Variants in TNRC18 observed in about 807,000 individuals in gnomAD.
The protein encoded by TNRC18 is trinucleotide repeat containing 18.
In TNRC18, 69 loss-of-function variants were observed where a neutral mutation model predicts 226.7. The observed-to-expected ratio is 0.30, with a 90% CI of 0.25 to 0.37. The LOEUF (loss-of-function observed/expected upper bound fraction) is 0.37, where lower values mean the gene tolerates loss of function less well. Ranked by LOEUF, TNRC18 falls within the 10% of genes least tolerant of loss-of-function variation. The probability of loss-of-function intolerance (pLI) is 1.00; values close to 1 mark genes in which losing one functional copy is unlikely to be tolerated. For synonymous variants in TNRC18, 2,449 were observed against 1,927.6 expected (o/e 1.27, Z -7.09); for missense variants, 4,754 against 4,256.6 (o/e 1.12, Z -3.25).
intron 24 of TNRC18, among the ~76,000 whole-genome samples, chr7:5,317,963 G>A (rs1583750221): frequency 6.6e-6 from 1 of 151,330 alleles, no homozygotes; most frequent in Non-Finnish European, 1.5e-5. Flanking sequence ...TCTACTTCCC[G>A]GGTTCAGGTG....
intron 19 of TNRC18, 99 bp downstream of exon 19, chr7:5,332,523 A>T (rs1252046173): frequency 3.7e-6 from 5 of 1,342,680 alleles, no homozygotes; most frequent in Non-Finnish European, 4.9e-6. Flanking sequence ...ATGGTTATTA[A>T]CAGTGAAGCC....
chr7:5,352,913 A>G (rs367923712), intron 16 of TNRC18, among the ~76,000 whole-genome samples: 2 of 152,360 alleles, frequency 1.3e-5, no homozygotes, highest in African/African-American at 4.8e-5. Flanking sequence ...AATCCACTCC[A>G]GACGGGGGGA....
Position 5,321,101 on chromosome 7 carries a change from G to T in TNRC18, c.6532C>A (p.His2178Asn). 1.3e-6 allele frequency: 2 copies of T among 1,553,268 alleles called. No individual in the cohort carries two copies. Among genetic ancestry groups the T allele is most frequent in the Non-Finnish European group, 1.7e-6 (2 of 1,148,998 alleles). ...TCTGGCGAGTGCACGGTCTGCACGT[G>T]CCCGGCGTACAGCAGCTTGTCATCC... is the stretch of plus-strand genomic sequence containing the variant. Reference protein sequence around the residue: ...PMDDKLLYAGHVQTVHSPDIY... With the variant: ...PMDDKLLYAGNVQTVHSPDIY... The change falls in exon 22 of 30, where the codon CAC (histidine) becomes AAC (asparagine). Residue 2178 changes from histidine to asparagine, a missense_variant. Coordinates refer to ENST00000430969, the MANE Select transcript of TNRC18 (RefSeq NM_001080495.3).
chr7:5,422,100 C>G (rs1029578772), intron 1 of TNRC18, among the ~76,000 whole-genome samples: 5 of 152,118 alleles, frequency 3.3e-5, no homozygotes, highest in Non-Finnish European at 7.4e-5. Context: ...TGGTCCCCCC[C>G]CTTTCTCCCC....
intron 2 of TNRC18, chr7:5,420,800 G>A (rs1417002221): frequency 3.0e-6 from 2 of 674,704 alleles, no homozygotes; most frequent in African/African-American, 1.8e-5. Context: ...AATCGCCCCC[G>A]GTGGCTCGGG....
intron 12 of TNRC18, 93 bp downstream of exon 12, chr7:5,362,557 C>T: frequency 7.8e-7 from 1 of 1,276,782 alleles, no homozygotes; most frequent in Non-Finnish European, 1.1e-6. Flanking sequence ...GCGCCAAAGC[C>T]AGCCACGCCC....
chr7:5,415,354 G>A (rs984424463), intron 2 of TNRC18, among the ~76,000 whole-genome samples: 1 of 149,628 alleles, frequency 6.7e-6, no homozygotes, highest in East Asian at 2.0e-4. Flanking sequence ...TGTTTACTGC[G>A]TGGTCTGTGT....
intron 18 of TNRC18, among the ~76,000 whole-genome samples, chr7:5,333,821 A>T (rs1005610779): frequency 2.0e-5 from 3 of 152,142 alleles, no homozygotes; most frequent in Non-Finnish European, 4.4e-5. Flanking sequence ...CAACCCGGGA[A>T]GTCCTCTATG....
At chr7:5,362,090 C>T in intron 12 of TNRC18, 57 bp from the exon 13 acceptor site, 1 of 1,584,744 alleles carries the variant, frequency 6.3e-7, no homozygotes, top group South Asian at 1.1e-5. Context: ...CTAACGACGC[C>T]CACCGCCCAC....
chr7:5,347,509 T>G (rs1791326385), intron 17 of TNRC18, among the ~76,000 whole-genome samples: 2 of 151,158 alleles, frequency 1.3e-5, no homozygotes, highest in African/African-American at 4.9e-5. Context: ...CCGCAAAAAT[T>G]TTAAAATTAG....
rs755397466 is a variant in TNRC18, at chr7:5,359,389, G to C, written c.4833+9C>G. The C allele has an allele frequency of 6.2e-7, 1 of 1,613,860 alleles. No individual in the cohort carries two copies. The highest frequency in any genetic ancestry group is 8.5e-7 in the Non-Finnish European group (1 of 1,179,856). ...AGATCTCACACACCTGGAAGACTGG[G>C]TTACTCACCTGACTGATGAAGTCCG... On this transcript the variant is annotated intron_variant, in intron 15 of 29. Transcript: ENST00000430969.
At chr7:5,364,495 ACACACACACACACACACAC>A (rs1793417921) in intron 11 of TNRC18, among the ~76,000 whole-genome samples, 1 of 131,420 alleles carries the variant, frequency 7.6e-6, no homozygotes, top group African/African-American at 3.2e-5. Context: ...ACACACACAC[ACACACACACACACACACAC>A]GATCTCAGGC....
intron 11 of TNRC18, among the ~76,000 whole-genome samples, chr7:5,365,962 T>G (rs566371404): frequency 6.6e-6 from 1 of 152,226 alleles, no homozygotes; most frequent in East Asian, 1.9e-4. Flanking sequence ...TGCCAGCTAC[T>G]CAGGAGGCTG....
At chr7:5,354,157 C>G (rs1053679824) in intron 16 of TNRC18, among the ~76,000 whole-genome samples, 2 of 152,092 alleles carry the variant, frequency 1.3e-5, no homozygotes, top group African/African-American at 4.8e-5. Context: ...GAGCCGAGAT[C>G]ATGCCACCGT....
chr7:5,340,184 G>C (rs1445013667), intron 18 of TNRC18, among the ~76,000 whole-genome samples: 1 of 152,198 alleles, frequency 6.6e-6, no homozygotes, highest in Admixed American at 6.5e-5. Flanking sequence ...TGAATGCAAA[G>C]AAAAAGTTCT....
At chr7:5,387,637 A>G (rs754973891) in intron 5 of TNRC18, 35 bp downstream of exon 5, 161 of 1,599,270 alleles carry the variant, frequency 1.0e-4, no homozygotes, top group Non-Finnish European at 1.3e-4. Context: ...GAGACCCAAG[A>G]TCCTACCCGC....
At position 5,314,965 on chromosome 7, in the gene TNRC18, G is replaced by A; in HGVS notation, c.7027+19C>T. 1 of 1,599,176 alleles carries A rather than the reference G, an allele frequency of 6.3e-7. No homozygotes were observed. Among genetic ancestry groups the A allele is most frequent in the Non-Finnish European group, 8.5e-7 (1 of 1,174,282 alleles). ...GGAGATCCGCCCACCGCCCTGCCCT[G>A]GGGACCAGGCCAACCTACCACCCTT... is the stretch of plus-strand genomic sequence containing the variant. On this transcript the variant is annotated intron_variant, in intron 26 of 29. Coordinates refer to ENST00000430969, the MANE Select transcript of TNRC18 (RefSeq NM_001080495.3).
chr7:5,361,908 G>A lies in TNRC18; in HGVS notation c.4521C>T (p.Arg1507=). The A allele has an allele frequency of 5.1e-6, 8 of 1,573,628 alleles. No homozygotes were observed. The highest frequency in any genetic ancestry group is 1.3e-5 in the African/African-American group (1 of 74,224). ...GGGGACACACTCACTCGGAGTCCCG[G>A]CGGCGCTGCAGCTTCACCAGCTCAC... ...KQRELVKLQR[R]RDSEDRREEP... is the part of the protein sequence containing the mutation. The change falls in exon 13 of 30, where the codon CGC becomes CGT. Residue 1507 remains arginine, a synonymous_variant. Coordinates refer to ENST00000430969, the MANE Select transcript of TNRC18 (RefSeq NM_001080495.3).
chr7:5,312,611 G>A lies in TNRC18; in HGVS notation c.8280C>T (p.Thr2760=), dbSNP rs533265159. The change falls in exon 27 of 30, where the codon ACC becomes ACT. Residue 2760 remains threonine (T), a synonymous_variant. Coordinates refer to ENST00000430969, the MANE Select transcript of TNRC18 (RefSeq NM_001080495.3). This position sits in a 1 kb window ranked among gnomAD's most constrained non-coding sequence, Gnocchi z 6.3. ...KKREGVHLPT[T]KELAKRQRLP... is the part of the protein sequence containing the mutation. ...GGCGCTGCCGCTTGGCCAGCTCCTT[G>A]GTGGTGGGGAGGTGGACGCCCTCTC... is the stretch of plus-strand genomic sequence containing the variant. 2 of 1,610,748 alleles carry A rather than the reference G, an allele frequency of 1.2e-6. No homozygotes were observed. The highest frequency in any genetic ancestry group is 1.7e-6 in the Non-Finnish European group (2 of 1,179,314).
Sources: allele counts gnomAD v4.1 joint callset (sites outside exome capture counted in the v4.1 genomes callset), GRCh38; gene constraint gnomAD v4.1.1; non-coding constraint Gnocchi (gnomAD v3.1); transcripts MANE v1.5; gene names NCBI Gene and HGNC (gene_info 2026-07-23, HGNC 2026-07-21).